The following LRRC7 variants were observed in gnomAD, a reference collection of about 807,000 sequenced individuals.
LRRC7 encodes the protein leucine rich repeat containing 7.
A neutral mutation model predicts 175.7 loss-of-function variants in LRRC7; 23 were observed. The observed-to-expected ratio is 0.13, with a 90% CI of 0.09 to 0.19. The LOEUF is 0.19. Among genes scored for constraint, LRRC7 ranks in the 10% least tolerant of loss-of-function variants. The pLI is 1.00. For synonymous variants in LRRC7, 685 were observed against 680.9 expected, an observed-to-expected ratio of 1.01 and a Z score of -0.09; for missense variants, 1,354 against 1,904.7, an observed-to-expected ratio of 0.71 and a Z score of 5.38.
rs757867928 is a variant in LRRC7 at position 69,568,595 on chromosome 1, C to G, written c.-45C>G. On this transcript the variant is annotated 5_prime_UTR_variant, in exon 1 of 27. Transcript: ENST00000651989. Reference sequence around the variant, plus strand: ...TAAGGAATAACCCTTGGCAGCTGCACGACTACGCTCTCCGAAACCTCATGG... The same window carrying G: ...TAAGGAATAACCCTTGGCAGCTGCAGGACTACGCTCTCCGAAACCTCATGG... 1 of 1,349,034 alleles carries G rather than the reference C, an allele frequency of 7.4e-7. No individual in the cohort carries two copies. The highest frequency in any genetic ancestry group is 1.2e-5 in the South Asian group (1 of 84,868). The allele number at this position is 1,349,034 out of a possible 1,614,324, so 83.6% of individuals were successfully genotyped here. A position where few individuals can be genotyped will look rare whatever the true frequency, so the allele number is the denominator to read the frequency against.
intron 2 of LRRC7, among the ~76,000 whole-genome samples, chr1:69,717,816 AAG>A (rs1665626959): frequency 3.9e-5 from 2 of 51,016 alleles, no homozygotes; most frequent in Non-Finnish European, 7.2e-5. Flanking sequence ...GAAAGAAAGA[AAG>A]AAAGAAAGAA....
chr1:69,816,265 A>G (rs1210968509), intron 4 of LRRC7, among the ~76,000 whole-genome samples: 1 of 152,208 alleles, frequency 6.6e-6, no homozygotes, highest in Non-Finnish European at 1.5e-5. Flanking sequence ...GGCGCAAGCC[A>G]CTGTGCCCAG....
intron 1 of LRRC7, among the ~76,000 whole-genome samples, chr1:69,585,592 G>T (rs971507814): frequency 1.3e-5 from 2 of 152,122 alleles, no homozygotes; most frequent in Non-Finnish European, 2.9e-5. Flanking sequence ...GTGTCATTAT[G>T]AAAATAATTC....
intron 11 of LRRC7, among the ~76,000 whole-genome samples, chr1:69,996,906 T>G (rs1473828319): frequency 1.3e-5 from 2 of 152,198 alleles, no homozygotes; most frequent in Non-Finnish European, 2.9e-5. Context: ...CCATATGAAC[T>G]TTCAAGTAGT....
intron 8 of LRRC7, among the ~76,000 whole-genome samples, chr1:69,959,537 A>G (rs1182512227): frequency 6.6e-6 from 1 of 152,120 alleles, no homozygotes; most frequent in Non-Finnish European, 1.5e-5. Context: ...TATCTTTGGA[A>G]TAAGTTACTG....
chr1:69,734,743 T>A (rs1045835543), intron 2 of LRRC7, among the ~76,000 whole-genome samples: 1 of 151,960 alleles, frequency 6.6e-6, no homozygotes, highest in Admixed American at 6.6e-5. Context: ...ATTTCTTTAC[T>A]TCCTGTTTCT....
intron 4 of LRRC7, among the ~76,000 whole-genome samples, chr1:69,819,168 C>G (rs1017511962): frequency 6.6e-6 from 1 of 151,950 alleles, no homozygotes. Context: ...TATTTGAGAT[C>G]TTTCTTTGTT....
At position 69,828,810 on chromosome 1, in the gene LRRC7, G is replaced by A. The variant is rs140873285; in HGVS notation, c.500+2984G>A. Among the ~76,000 whole-genome samples the A allele has an allele frequency of 2.4e-4, 36 of 151,932 alleles. 1 individual carries two copies. In the South Asian group the frequency reaches 6.6e-3, roughly 28 times the overall value. ...TTCCAGCTAGAATAGAAACTTCTAC[G>A]TTGTGTTCTTATTCACAACATATAA... On this transcript the variant is annotated intron_variant, in intron 5 of 26. Transcript: ENST00000651989.
rs553499429 is a variant in LRRC7, at chr1:69,860,100, G to C, written c.647+21817G>C. On this transcript the variant is annotated intron_variant, in intron 7 of 26. Transcript: ENST00000651989. The stretch of plus-strand genomic sequence containing the variant: ...TATGCACACATCAATACTCTCATCA[G>C]GGTTTTTGTTTTTATTTGTTGTTTT... Among the ~76,000 whole-genome samples, 9 of 151,792 alleles carry C rather than the reference G, an allele frequency of 5.9e-5. No homozygotes were observed. In the East Asian group the frequency reaches 1.4e-3, roughly 23 times the overall value.
chr1:69,966,538 T>C (rs1651679248), intron 8 of LRRC7, among the ~76,000 whole-genome samples: 1 of 152,202 alleles, frequency 6.6e-6, no homozygotes, highest in African/African-American at 2.4e-5. Context: ...TTAATAGTAC[T>C]TCATATAGTC....
chr1:69,612,135 A>C (rs907104557), intron 1 of LRRC7, among the ~76,000 whole-genome samples: 1 of 152,090 alleles, frequency 6.6e-6, no homozygotes, highest in African/African-American at 2.4e-5. Flanking sequence ...TCATTGACTT[A>C]TATTGCATTA....
At chr1:69,988,978 C>A (rs576723115) in intron 10 of LRRC7, among the ~76,000 whole-genome samples, 4 of 152,000 alleles carry the variant, frequency 2.6e-5, no homozygotes, top group Admixed American at 2.0e-4. Flanking sequence ...GGAGAATTTA[C>A]CCTAAGGGAA....
intron 25 of LRRC7, among the ~76,000 whole-genome samples, chr1:70,102,613 C>T (rs1664876033): frequency 6.6e-6 from 1 of 152,128 alleles, no homozygotes; most frequent in Non-Finnish European, 1.5e-5. Flanking sequence ...AATCTGCCTA[C>T]TGCAGCCTTC....
intron 7 of LRRC7, among the ~76,000 whole-genome samples, chr1:69,894,543 A>T (rs573650405): frequency 2.0e-5 from 3 of 152,368 alleles, no homozygotes; most frequent in Admixed American, 2.0e-4. Flanking sequence ...ATAAACTGAC[A>T]TACTTAACAT....
chr1:69,735,697 C>G (rs2100833810), intron 2 of LRRC7, among the ~76,000 whole-genome samples: 1 of 152,206 alleles, frequency 6.6e-6, no homozygotes, highest in Admixed American at 6.6e-5. Flanking sequence ...ACTGAATTCT[C>G]ATTTGGGACT....
At chr1:69,572,150 C>T (rs912990475) in intron 1 of LRRC7, among the ~76,000 whole-genome samples, 7 of 151,962 alleles carry the variant, frequency 4.6e-5, no homozygotes, top group South Asian at 2.1e-4. Context: ...TTTATTGCCA[C>T]GGAAAGATAT....
intron 24 of LRRC7, among the ~76,000 whole-genome samples, chr1:70,083,945 C>G (rs1663412901): frequency 6.6e-6 from 1 of 152,146 alleles, no homozygotes; most frequent in Admixed American, 6.6e-5. Context: ...CAGTTTACCT[C>G]CTTTTGTCTA....
intron 1 of LRRC7, among the ~76,000 whole-genome samples, chr1:69,661,110 G>A (rs988789592): frequency 1.3e-5 from 2 of 152,002 alleles, no homozygotes; most frequent in Admixed American, 6.6e-5. Context: ...AAGGGGAAGT[G>A]TTATGTCCCA....
chr1:69,962,164 C>A (rs1651165444), intron 8 of LRRC7, among the ~76,000 whole-genome samples: 1 of 151,932 alleles, frequency 6.6e-6, no homozygotes, highest in African/African-American at 2.4e-5. Context: ...TAAAAGTGGG[C>A]AAAGGACACG....
Sources: gnomAD v4.1 joint callset for allele counts (sites outside exome capture counted in the v4.1 genomes callset) on GRCh38, gnomAD v4.1.1 for gene constraint, MANE v1.5 for transcripts, NCBI Gene and HGNC (gene_info 2026-07-23, HGNC 2026-07-21) for gene names.